PRKRA: variants seen among roughly 807,000 people sequenced by gnomAD.
PRKRA encodes the protein interferon-inducible double-stranded RNA-dependent protein kinase activator A.
PRKRA carries 22 observed loss-of-function variants against 32.4 expected under a neutral mutation model. The observed-to-expected ratio is 0.68, with a 90% CI of 0.49 to 0.97. PRKRA has a LOEUF of 0.97. Ranked by LOEUF, PRKRA falls within the 50% of genes least tolerant of loss-of-function variation. The probability of loss-of-function intolerance (pLI) is 0.00; values close to 1 mark genes in which losing one functional copy is unlikely to be tolerated. For synonymous variants in PRKRA, 139 were observed against 129.8 expected (o/e 1.07, Z -0.48); for missense variants, 319 against 375.6 (o/e 0.85, Z 1.25).
chr2:178,432,208 G>A lies in PRKRA; in HGVS notation c.831C>T (p.Ser277=). The A allele has an allele frequency of 6.2e-7, 1 of 1,614,170 alleles. No individual in the cohort carries two copies. Among genetic ancestry groups the A allele is most frequent in the South Asian group, 1.1e-5 (1 of 91,086 alleles). Residue 277 remains serine, a synonymous_variant, in exon 8 of 8, where the codon TCC becomes TCT. Transcript: ENST00000325748. The part of the protein sequence containing the change: ...NGQYQCLAEL[S]TSPITVCHGS... Reference sequence around the variant, plus strand: ...CATGACAGACTGTGATGGGGCTGGTGGACAGTTCAGCAAGACATTGATATT... The same window carrying A: ...CATGACAGACTGTGATGGGGCTGGTAGACAGTTCAGCAAGACATTGATATT...
At chr2:178,450,565 T>C (rs1559361319) in intron 1 of PRKRA, 154 bp from the exon 2 acceptor site, 7 of 1,521,412 alleles carry the variant, frequency 4.6e-6, no homozygotes, top group Non-Finnish European at 6.1e-6. Context: ...GGCGCACCTG[T>C]CTTCCGGCCC....
intron 7 of PRKRA, among the ~76,000 whole-genome samples, chr2:178,434,425 T>C (rs1362891311): frequency 7.0e-6 from 1 of 143,424 alleles, no homozygotes; most frequent in Non-Finnish European, 1.5e-5. Flanking sequence ...GCCTCTTTTC[T>C]TTTTTTTTTT....
At chr2:178,437,460 A>G (rs778339848) in intron 6 of PRKRA, among the ~76,000 whole-genome samples, 1 of 152,186 alleles carries the variant, frequency 6.6e-6, no homozygotes, top group Admixed American at 6.5e-5. Context: ...ATCAGTGCAC[A>G]TATATGCACT....
chr2:178,443,545 T>G, intron 4 of PRKRA, 161 bp from the exon 5 acceptor site: 2 of 587,704 alleles, frequency 3.4e-6, no homozygotes, highest in Non-Finnish European at 6.0e-6. Context: ...TCAAAGACAT[T>G]CCCGCATTTT....
At chr2:178,440,823 C>A (rs540494773) in intron 6 of PRKRA, among the ~76,000 whole-genome samples, 1 of 152,288 alleles carries the variant, frequency 6.6e-6, no homozygotes, top group African/African-American at 2.4e-5. Context: ...CCTGTCCTTC[C>A]CAGATTAAAA....
Position 178,436,207 on chromosome 2 carries a change from T to C in PRKRA, c.722A>G (p.Tyr241Cys). Reference sequence around the variant, plus strand: ...GGCAATTTCACTAAGCAGCTGGATGTAATCTGTATTTGGAATACTAAGGAG... The same window carrying C: ...GGCAATTTCACTAAGCAGCTGGATGCAATCTGTATTTGGAATACTAAGGAG... ...RSLLSIPNTD[Y>C]IQLLSEIAKE... Residue 241 changes from tyrosine (Y) to cysteine (C), a missense_variant, in exon 7 of 8, where the codon TAC (tyrosine) becomes TGC (cysteine). By Grantham distance (194) the Tyr-to-Cys change is radical (BLOSUM62 -2). Coordinates refer to ENST00000325748, the MANE Select transcript of PRKRA (RefSeq NM_003690.5). 1 of 1,612,720 alleles carries C rather than the reference T, an allele frequency of 6.2e-7. No homozygotes were observed. Among genetic ancestry groups the C allele is most frequent in the Non-Finnish European group, 8.5e-7 (1 of 1,178,748 alleles).
Position 178,431,975 on chromosome 2 carries a change from G to A in PRKRA, c.*122C>T. ...AGGAGATAATTAAATCTGGAGTGTT[G>A]ATGGAATCTATGAAGAGATTTAGAA... is the stretch of plus-strand genomic sequence containing the variant. On this transcript the variant is annotated 3_prime_UTR_variant, in exon 8 of 8. Coordinates refer to ENST00000325748, the MANE Select transcript of PRKRA (RefSeq NM_003690.5). 8.5e-7 allele frequency: 1 copy of A among 1,181,426 alleles called. No individual in the cohort carries two copies. Among genetic ancestry groups the A allele is most frequent in the South Asian group, 1.3e-5 (1 of 75,270 alleles). The allele number at this position is 1,181,426 out of a possible 1,614,324, so 73.2% of individuals were successfully genotyped here. A position where few individuals can be genotyped will look rare whatever the true frequency, so the allele number is the denominator to read the frequency against.
chr2:178,444,295 G>A (rs914757316), intron 4 of PRKRA, 127 bp downstream of exon 4: 10 of 793,392 alleles, frequency 1.3e-5, no homozygotes, highest in African/African-American at 1.2e-4. Context: ...TTAATCTAAT[G>A]ATCGTAAGTT....
intron 2 of PRKRA, chr2:178,449,983 G>A (rs970662823): frequency 2.0e-5 from 11 of 562,146 alleles, no homozygotes; most frequent in Non-Finnish European, 3.2e-5. Context: ...CCTAGGGTAT[G>A]AGAAGAGCCA....
At chr2:178,450,444 G>A (rs1358276714) in intron 1 of PRKRA, 33 bp from the exon 2 acceptor site, 1 of 1,063,688 alleles carries the variant, frequency 9.4e-7, no homozygotes, top group Non-Finnish European at 1.2e-6. Context: ...TGCTTTGCAT[G>A]CCAAATTGGA....
chr2:178,442,589 G>A (rs1050557163), intron 5 of PRKRA, among the ~76,000 whole-genome samples: 4 of 152,206 alleles, frequency 2.6e-5, no homozygotes, highest in African/African-American at 9.7e-5. Flanking sequence ...CGGAAGCTGA[G>A]GTTCCTGCTT....
intron 7 of PRKRA, among the ~76,000 whole-genome samples, chr2:178,435,234 T>A (rs1696837705): frequency 1.3e-5 from 2 of 149,176 alleles, no homozygotes; most frequent in South Asian, 2.1e-4. Flanking sequence ...AAAAAAAAAA[T>A]TAGCCAGGCT....
chr2:178,450,187 A>G (rs1697509659), intron 2 of PRKRA, 55 bp downstream of exon 2: 1 of 1,302,948 alleles, frequency 7.7e-7, no homozygotes, highest in African/African-American at 1.7e-5. Context: ...GAAAAGCAAC[A>G]CCAAGTATTG....
At chr2:178,435,714 T>C (rs1696864176) in intron 7 of PRKRA, among the ~76,000 whole-genome samples, 1 of 152,230 alleles carries the variant, frequency 6.6e-6, no homozygotes, top group South Asian at 2.1e-4. Context: ...CAGGGTATCT[T>C]CTGGGACTCT....
chr2:178,450,101 C>T, intron 2 of PRKRA, 141 bp downstream of exon 2: 3 of 1,063,170 alleles, frequency 2.8e-6, no homozygotes, highest in African/African-American at 1.6e-5. Context: ...AAAGCCCTAA[C>T]GACCTGAGAT....
In PRKRA at chr2:178,450,304, T is replaced by C. The variant is rs61999302; in HGVS notation, c.173A>G (p.Asp58Gly). 0.055 allele frequency: 87,796 copies of C among 1,588,914 alleles called. No individual in the cohort carries two copies. The highest frequency in any genetic ancestry group is 0.064 in the Non-Finnish European group (74,009 of 1,157,924). Residue 58 changes from aspartate to glycine, a missense_variant, in exon 2 of 8, where the codon GAT becomes GGT. Coordinates refer to ENST00000325748, the MANE Select transcript of PRKRA (RefSeq NM_003690.5). Reference protein sequence around the residue: ...NIPVYECERSDVQIHVPTFTF... With the variant: ...NIPVYECERSGVQIHVPTFTF... ...GAAAGTGGGCACGTGTATTTGCACATCAGATCTTTCACATTCATAAACTGG... is the reference window on the plus strand; with the variant it reads ...GAAAGTGGGCACGTGTATTTGCACACCAGATCTTTCACATTCATAAACTGG...
intron 7 of PRKRA, among the ~76,000 whole-genome samples, chr2:178,432,711 A>C (rs1696717118): frequency 6.6e-6 from 1 of 152,222 alleles, no homozygotes. Flanking sequence ...TTCAGGAGGC[A>C]TTTGAACCAG....
rs921224583 is a variant in PRKRA, at chr2:178,441,770, G to A, written c.515-66C>T. Reference sequence around the variant, plus strand: ...TAGTGTCCACAGAGGATGATCAAACGTATGAAGTACTGTGTTTAATCAGAG... The same window carrying A: ...TAGTGTCCACAGAGGATGATCAAACATATGAAGTACTGTGTTTAATCAGAG... On this transcript the variant is annotated intron_variant, in intron 5 of 7. Transcript: ENST00000325748. 71 of 1,006,804 alleles carry A rather than the reference G, an allele frequency of 7.1e-5. No individual in the cohort carries two copies. In the East Asian group the frequency reaches 1.9e-3, roughly 26 times the overall value. 62.4% of individuals were successfully genotyped at this position (1,006,804 alleles called of 1,614,324 possible). A position where few individuals can be genotyped will look rare whatever the true frequency, so the allele number is the denominator to read the frequency against.
Position 178,431,814 on chromosome 2 carries a change from A to G in PRKRA, c.*283T>C. 1 of 453,820 alleles carries G rather than the reference A, an allele frequency of 2.2e-6. No individual in the cohort carries two copies. The highest frequency in any genetic ancestry group is 4.0e-6 in the Non-Finnish European group (1 of 249,096). 28.1% of individuals were successfully genotyped at this position (453,820 alleles called of 1,614,324 possible). ...GCATTTTTATTTCATCATCAACAAC[A>G]AACATGCAGTTTCTTTCTCTGATGT... On this transcript the variant is annotated 3_prime_UTR_variant, in exon 8 of 8. Transcript: ENST00000325748.
Sources: allele counts gnomAD v4.1 joint callset (sites outside exome capture counted in the v4.1 genomes callset), GRCh38; gene constraint gnomAD v4.1.1; transcripts MANE v1.5; gene names NCBI Gene and HGNC (gene_info 2026-07-23, HGNC 2026-07-21).